Variants in FRMD3 observed in about 807,000 individuals in gnomAD.
FRMD3 encodes FERM domain-containing protein 3.
Under a neutral mutation model 70.2 loss-of-function variants are expected in FRMD3, and 33 were observed. That is an observed-to-expected ratio of 0.47 (90% CI 0.36 to 0.63). FRMD3 has a LOEUF of 0.63. Ranked by LOEUF, FRMD3 falls within the 20% of genes least tolerant of loss-of-function variation. The probability of loss-of-function intolerance (pLI) is 0.00; values close to 1 mark genes in which losing one functional copy is unlikely to be tolerated. For missense variants in FRMD3, 632 were observed against 711.4 expected (o/e 0.89, Z 1.27); for synonymous variants, 279 against 255.9 (o/e 1.09, Z -0.86).
intron 1 of FRMD3, among the ~76,000 whole-genome samples, chr9:83,413,363 G>A (rs1250138303): frequency 6.6e-6 from 1 of 152,162 alleles, no homozygotes; most frequent in Non-Finnish European, 1.5e-5. Flanking sequence ...AGTGGGGCAT[G>A]TTGGCTCTTC....
At chr9:83,465,093 T>C (rs1017301293) in intron 1 of FRMD3, among the ~76,000 whole-genome samples, 1 of 151,510 alleles carries the variant, frequency 6.6e-6, no homozygotes, top group East Asian at 1.9e-4. Flanking sequence ...TAGCAGCTCC[T>C]AGGGAATCTT....
chr9:83,254,848 G>A (rs1338245051), intron 13 of FRMD3, among the ~76,000 whole-genome samples: 1 of 152,092 alleles, frequency 6.6e-6, no homozygotes, highest in Non-Finnish European at 1.5e-5. Context: ...TATCTGAATA[G>A]ATCAATAATG....
the FRMD3 span, among the ~76,000 whole-genome samples, chr9:83,575,328 G>A: frequency 6.6e-6 from 1 of 152,160 alleles, no homozygotes; most frequent in African/African-American, 2.4e-5. Context: ...TACTCTTCCA[G>A]TCAGCTTCAC....
chr9:83,446,539 C>T (rs10746708), intron 1 of FRMD3, among the ~76,000 whole-genome samples: 77,598 of 150,348 alleles, frequency 0.52, 20,366 homozygotes, highest in East Asian at 0.7. Flanking sequence ...CCCAGCTACT[C>T]GGGAGGCTGA....
intron 3 of FRMD3, among the ~76,000 whole-genome samples, chr9:83,357,272 TATATATATATATATATATATATATA>T (rs1824421283): frequency 1.6e-5 from 1 of 61,966 alleles, no homozygotes; most frequent in African/African-American, 8.6e-5. Flanking sequence ...TATATATATA[TATATATATATATATATATATATATA>T]AAACATTTTC....
intron 1 of FRMD3, among the ~76,000 whole-genome samples, chr9:83,417,082 G>A (rs1444613985): frequency 2.0e-5 from 3 of 152,040 alleles, no homozygotes; most frequent in Non-Finnish European, 4.4e-5. Context: ...CAGTAAACTT[G>A]AACAATAGAG....
At chr9:83,443,729 A>G (rs1439869594) in intron 1 of FRMD3, among the ~76,000 whole-genome samples, 1 of 152,112 alleles carries the variant, frequency 6.6e-6, no homozygotes, top group Non-Finnish European at 1.5e-5. Flanking sequence ...GTCCCCCACA[A>G]TTGTTGAAGC....
At chr9:83,315,907 C>T (rs1213771186) in intron 6 of FRMD3, among the ~76,000 whole-genome samples, 5 of 152,104 alleles carry the variant, frequency 3.3e-5, no homozygotes, top group Non-Finnish European at 7.3e-5. Context: ...TGTAGTTGCC[C>T]ACTCACTGTG....
the FRMD3 span, among the ~76,000 whole-genome samples, chr9:83,578,469 A>G: frequency 2.0e-5 from 3 of 152,028 alleles, no homozygotes; most frequent in Non-Finnish European, 4.4e-5. Context: ...CAAAACAATC[A>G]TTCACCATGA....
intron 2 of FRMD3, among the ~76,000 whole-genome samples, chr9:83,378,267 T>TTG (rs1825213354): frequency 1.4e-5 from 2 of 142,672 alleles, no homozygotes; most frequent in Non-Finnish European, 1.5e-5. Flanking sequence ...TTTTGTTTTT[T>TTG]TTGTTTTTTT....
chr9:83,431,628 A>G (rs1293077992), intron 1 of FRMD3, among the ~76,000 whole-genome samples: 1 of 152,138 alleles, frequency 6.6e-6, no homozygotes, highest in Admixed American at 6.5e-5. Flanking sequence ...AGGTTCTGAG[A>G]GTATCAGCTT....
chr9:83,389,784 A>G, intron 1 of FRMD3, 76 bp from the exon 2 acceptor site: 1 of 969,044 alleles, frequency 1.0e-6, no homozygotes, highest in Non-Finnish European at 1.7e-6. Flanking sequence ...CTTGTTCACC[A>G]CCATGGGTCT....
the FRMD3 span, among the ~76,000 whole-genome samples, chr9:83,559,495 G>A: frequency 9.1e-3 from 1,379 of 152,224 alleles, 20 homozygotes; most frequent in Non-Finnish European, 0.013. Context: ...TTATTGTGGT[G>A]GTCTGGAACC....
intron 1 of FRMD3, among the ~76,000 whole-genome samples, chr9:83,410,286 A>G (rs1262896456): frequency 6.6e-6 from 1 of 152,108 alleles, no homozygotes; most frequent in African/African-American, 2.4e-5. Flanking sequence ...GTAGTTTTTC[A>G]ACCCTTGCCC....
chr9:83,511,453 G>A (rs1829337553), intron 1 of FRMD3, among the ~76,000 whole-genome samples: 1 of 152,082 alleles, frequency 6.6e-6, no homozygotes, highest in Admixed American at 6.5e-5. Flanking sequence ...ATCAAACGAA[G>A]TGCTCTCTGG....
At chr9:83,573,538 G>T in the FRMD3 span, among the ~76,000 whole-genome samples, 1 of 152,058 alleles carries the variant, frequency 6.6e-6, no homozygotes, top group Admixed American at 6.6e-5. Flanking sequence ...AAGAAATAGT[G>T]GGACCCCAGG....
At chr9:83,501,931 G>A (rs868499090) in intron 1 of FRMD3, among the ~76,000 whole-genome samples, 1 of 152,132 alleles carries the variant, frequency 6.6e-6, no homozygotes, top group South Asian at 2.1e-4. Flanking sequence ...CCTTTCTGCT[G>A]CAACTCTAAA....
At position 83,247,455 on chromosome 9, in the gene FRMD3, A is replaced by G. The variant is rs2118485666; in HGVS notation, c.*463T>C. The G allele has an allele frequency of 1.0e-6, 1 of 983,980 alleles. No individual in the cohort carries two copies. Among genetic ancestry groups the G allele is most frequent in the East Asian group, 1.1e-4 (1 of 8,786 alleles). 61.0% of individuals were successfully genotyped at this position (983,980 alleles called of 1,614,324 possible). On this transcript the variant is annotated 3_prime_UTR_variant, in exon 14 of 14. Transcript: ENST00000304195. ...AAAATATTTTTAAAAAAACAGAACC[A>G]AAAACCCAGCATAAATTTAGTTGTA... is the stretch of plus-strand genomic sequence containing the variant.
chr9:83,408,883 C>A (rs146936270), intron 1 of FRMD3, among the ~76,000 whole-genome samples: 1 of 152,292 alleles, frequency 6.6e-6, no homozygotes, highest in Non-Finnish European at 1.5e-5. Context: ...AGACCACACA[C>A]AGCTCAATTT....
Sources: allele counts gnomAD v4.1 joint callset (sites outside exome capture counted in the v4.1 genomes callset), GRCh38; gene constraint gnomAD v4.1.1; transcripts MANE v1.5; gene names NCBI Gene and HGNC (gene_info 2026-07-23, HGNC 2026-07-21).